Variants in SORCS1 observed in about 807,000 individuals in gnomAD.
SORCS1 encodes the protein VPS10 domain-containing receptor SorCS1.
SORCS1 carries 60 observed loss-of-function variants against 146.1 expected under a neutral mutation model. The observed-to-expected ratio is 0.41, with a 90% confidence interval of 0.33 to 0.51. The LOEUF is 0.51. SORCS1 is among the 20% of genes least tolerant of loss of function. The probability of loss-of-function intolerance (pLI) is 0.21; values close to 1 mark genes in which losing one functional copy is unlikely to be tolerated. For synonymous variants in SORCS1, 637 were observed against 584.0 expected (o/e 1.09, Z -1.31); for missense variants, 1,352 against 1,487.6 (o/e 0.91, Z 1.50).
intron 2 of SORCS1, among the ~76,000 whole-genome samples, chr10:106,857,591 T>C (rs896929533): frequency 6.6e-6 from 1 of 152,240 alleles, no homozygotes; most frequent in Non-Finnish European, 1.5e-5. Context: ...ATTGGGTGCA[T>C]CACAGACTCT....
intron 1 of SORCS1, among the ~76,000 whole-genome samples, chr10:107,105,494 GACAGT>G (rs1965243977): frequency 6.6e-6 from 1 of 152,176 alleles, no homozygotes; most frequent in South Asian, 2.1e-4. Flanking sequence ...TCGAGAAGCC[GACAGT>G]GCAGCCTTCA....
At chr10:106,850,601 G>C (rs1015421494) in intron 2 of SORCS1, among the ~76,000 whole-genome samples, 7 of 152,220 alleles carry the variant, frequency 4.6e-5, no homozygotes, top group Non-Finnish European at 8.8e-5. Context: ...CGGCCATCTT[G>C]GCTCCTCCCT....
At chr10:106,956,733 T>A in intron 1 of SORCS1, 153 bp from the exon 2 acceptor site, 1 of 677,486 alleles carries the variant, frequency 1.5e-6, no homozygotes, top group Non-Finnish European at 2.5e-6. Flanking sequence ...TGGGGAAAGG[T>A]TGGCTTGTCT....
At chr10:107,094,571 C>A (rs553234909) in intron 1 of SORCS1, among the ~76,000 whole-genome samples, 1 of 152,256 alleles carries the variant, frequency 6.6e-6, no homozygotes, top group East Asian at 1.9e-4. Flanking sequence ...GGTTTTTAAT[C>A]AAGGCTACAG....
chr10:106,613,430 G>C (rs1468023053), intron 21 of SORCS1, among the ~76,000 whole-genome samples: 1 of 152,162 alleles, frequency 6.6e-6, no homozygotes, highest in Non-Finnish European at 1.5e-5. Flanking sequence ...GAGTCTTGGA[G>C]CCAAAGTCGC....
intron 1 of SORCS1, among the ~76,000 whole-genome samples, chr10:106,995,224 G>A (rs1956942861): frequency 6.6e-6 from 1 of 151,360 alleles, no homozygotes; most frequent in Non-Finnish European, 1.5e-5. Context: ...TGAGGCAGGA[G>A]AATGGCGTGA....
At chr10:106,875,209 C>T (rs923958653) in intron 2 of SORCS1, among the ~76,000 whole-genome samples, 16 of 152,222 alleles carry the variant, frequency 1.1e-4, no homozygotes, top group South Asian at 1.0e-3. Flanking sequence ...TGAGAACAAA[C>T]GGTATTTGAT....
At position 106,667,701 on chromosome 10, in the gene SORCS1, A is replaced by C; in HGVS notation, c.2291T>G (p.Leu764Arg). 1 of 1,613,680 alleles carries C rather than the reference A, an allele frequency of 6.2e-7. No individual in the cohort carries two copies. The highest frequency in any genetic ancestry group is 8.5e-7 in the Non-Finnish European group (1 of 1,179,744). Residue 764 changes from leucine to arginine, a missense_variant, in exon 17 of 26, where the codon CTC (leucine) becomes CGC (arginine). By Grantham distance (102) the Leu-to-Arg change is moderately radical (BLOSUM62 -2). This residue lies in a region of SORCS1 where 648 missense variants were observed against 793.8 expected (regional missense o/e 0.82). Transcript: ENST00000263054. ...SKDCSLGQSY[L>R]NSTGYRKVVS... ...TCCAGACACTTACCCAGTACTATTG[A>C]GGTAACTCTGTCCCAAGCTGCAATC...
chr10:106,754,087 C>T (rs986168374), intron 5 of SORCS1, among the ~76,000 whole-genome samples: 9 of 152,192 alleles, frequency 5.9e-5, no homozygotes, highest in African/African-American at 1.7e-4. Context: ...GCACCTTAGT[C>T]TCTCCTGGGG....
chr10:106,620,381 G>A (rs374146439), intron 20 of SORCS1, 47 bp downstream of exon 20: 124 of 1,579,556 alleles, frequency 7.9e-5, no homozygotes, highest in Non-Finnish European at 9.6e-5. Context: ...TTCAGGCAGC[G>A]TGAATTGAGC....
At position 106,618,226 on chromosome 10, in the gene SORCS1, T is replaced by C; in HGVS notation, c.2843A>G (p.Glu948Gly). 6.2e-7 allele frequency: 1 copy of C among 1,614,118 alleles called. No individual in the cohort carries two copies. The highest frequency in any genetic ancestry group is 2.2e-5 in the East Asian group (1 of 44,864). Residue 948 changes from glutamate (E) to glycine (G), a missense_variant, in exon 21 of 26, where the codon GAA (glutamate) becomes GGA (glycine). Around this residue, in one of 3 missense-constraint regions of SORCS1, gnomAD observed 648 missense variants for 793.8 expected, o/e 0.82. Transcript: ENST00000263054. The stretch of plus-strand genomic sequence containing the variant: ...CTGCACTGTGATGGTATTCATTCCT[T>C]CTGAAGTAAATCTGAAGGATATGCT... The part of the protein sequence containing the change: ...EGSISFRFTS[E>G]GMNTITVQVS...
intron 17 of SORCS1, among the ~76,000 whole-genome samples, chr10:106,661,066 T>C (rs966352888): frequency 9.9e-5 from 15 of 152,170 alleles, no homozygotes; most frequent in Non-Finnish European, 2.1e-4. Context: ...GCAACTTAAA[T>C]TTTGCAGTAT....
At chr10:106,963,687 T>G (rs1316823095) in intron 1 of SORCS1, among the ~76,000 whole-genome samples, 2 of 152,008 alleles carry the variant, frequency 1.3e-5, no homozygotes, top group African/African-American at 2.4e-5. Context: ...GGGCCATACA[T>G]CCAAGAATAA....
At chr10:106,970,132 C>T (rs1175102824) in intron 1 of SORCS1, 1 of 152,206 alleles carries the variant, frequency 6.6e-6, no homozygotes, top group Non-Finnish European at 1.5e-5. Context: ...CTTCTTTGGG[C>T]TTCAGTTTCC....
At chr10:106,665,932 CT>C (rs969971379) in intron 17 of SORCS1, among the ~76,000 whole-genome samples, 13 of 152,074 alleles carry the variant, frequency 8.5e-5, no homozygotes, top group Admixed American at 8.5e-4. Context: ...TCTGCCTCCC[CT>C]GGGTTCACGC....
intron 2 of SORCS1, among the ~76,000 whole-genome samples, chr10:106,925,058 A>C (rs1025810219): frequency 3.3e-5 from 5 of 151,982 alleles, no homozygotes; most frequent in Non-Finnish European, 7.4e-5. Context: ...ATTATATATC[A>C]TATCTTATGT....
intron 2 of SORCS1, among the ~76,000 whole-genome samples, chr10:106,922,885 C>T (rs1456068928): frequency 8.4e-6 from 1 of 118,432 alleles, no homozygotes; most frequent in East Asian, 2.3e-4. Flanking sequence ...AACCATGCAG[C>T]CTTTTCTTTT....
intron 1 of SORCS1, among the ~76,000 whole-genome samples, chr10:107,096,949 T>C (rs183894682): frequency 4.6e-5 from 7 of 152,354 alleles, no homozygotes; most frequent in Admixed American, 2.0e-4. Flanking sequence ...CACTTCTCCA[T>C]GCTATCCCAA....
chr10:107,140,110 G>C (rs1215759446), intron 1 of SORCS1, among the ~76,000 whole-genome samples: 1 of 152,124 alleles, frequency 6.6e-6, no homozygotes, highest in Non-Finnish European at 1.5e-5. Flanking sequence ...TCTCCATCTT[G>C]ACCTCACAGC....
Sources: allele counts gnomAD v4.1 joint callset (sites outside exome capture counted in the v4.1 genomes callset), GRCh38; gene constraint gnomAD v4.1.1; regional missense constraint gnomAD v4.1.1; transcripts MANE v1.5; gene names NCBI Gene and HGNC (gene_info 2026-07-23, HGNC 2026-07-21).